SPRY3: variants seen among roughly 807,000 people sequenced by gnomAD.
The protein encoded by SPRY3 is sprouty RTK signaling antagonist 3, also known as protein sprouty homolog 3.
In SPRY3, 15 loss-of-function variants were observed where a neutral mutation model predicts 20.2. The observed-to-expected ratio is 0.74, with a 90% CI of 0.50 to 1.14. The LOEUF (loss-of-function observed/expected upper bound fraction) is 1.14. SPRY3 is among the 50% of genes most tolerant of loss of function. The pLI is 0.00. For synonymous variants in SPRY3, 143 were observed against 136.5 expected, an observed-to-expected ratio of 1.05 and a Z score of -0.33; for missense variants, 364 against 363.9, an observed-to-expected ratio of 1.00 and a Z score of 0.00.
At chrX:155,727,304 T>A (rs1268740828) in intron 2 of SPRY3, among the ~76,000 whole-genome samples, 1 of 152,108 alleles carries the variant, frequency 6.6e-6, no homozygotes, top group African/African-American at 2.4e-5. Context: ...TCTCGAGGAG[T>A]ATCTTTGTGG....
At chrX:155,757,007 A>G (rs1257987700) in intron 2 of SPRY3, among the ~76,000 whole-genome samples, 1 of 152,018 alleles carries the variant, frequency 6.6e-6, no homozygotes, top group Non-Finnish European at 1.5e-5. Flanking sequence ...TCCAACATAA[A>G]CCCCTCTTCT....
At chrX:155,767,280 C>A (rs959047651) in intron 2 of SPRY3, among the ~76,000 whole-genome samples, 2 of 151,806 alleles carry the variant, frequency 1.3e-5, no homozygotes, top group Non-Finnish European at 2.9e-5. Context: ...CCTTCTTTCC[C>A]ATCCTCCCCT....
chrX:155,774,665 A>C, exon 4 of SPRY3: 7 of 1,614,000 alleles, frequency 4.3e-6, no homozygotes, highest in Non-Finnish European at 5.9e-6. Flanking sequence ...TGCAAGAGGC[A>C]CACCAACACT....
intron 2 of SPRY3, among the ~76,000 whole-genome samples, chrX:155,706,623 G>A (rs2090953418): frequency 6.7e-6 from 1 of 149,804 alleles, no homozygotes; most frequent in Admixed American, 6.7e-5. Flanking sequence ...AAAAAATCAA[G>A]AAGACAATTA....
intron 1 of SPRY3, among the ~76,000 whole-genome samples, chrX:155,650,331 T>G (rs893666927): frequency 7.2e-5 from 8 of 111,725 alleles, no homozygotes; most frequent in African/African-American, 2.6e-4. Flanking sequence ...AACTATGATA[T>G]ATTGTTATAG....
intron 1 of SPRY3, among the ~76,000 whole-genome samples, chrX:155,635,671 T>C (rs1557350949): frequency 8.9e-6 from 1 of 111,741 alleles, no homozygotes; most frequent in Non-Finnish European, 1.9e-5. Flanking sequence ...AGATATCATC[T>C]CACACCAGAT....
At chrX:155,716,494 C>T (rs2091023416) in intron 2 of SPRY3, among the ~76,000 whole-genome samples, 1 of 151,960 alleles carries the variant, frequency 6.6e-6, no homozygotes, top group Non-Finnish European at 1.5e-5. Flanking sequence ...TGCTGTTTTC[C>T]CACACATCTC....
At chrX:155,617,416 T>G (rs2067857180) in intron 1 of SPRY3, among the ~76,000 whole-genome samples, 1 of 111,142 alleles carries the variant, frequency 9.0e-6, no homozygotes, top group South Asian at 3.8e-4. Flanking sequence ...TTAAAGATAT[T>G]GAGCAATAGT....
chrX:155,661,017 A>G (rs1557353635), intron 2 of SPRY3, among the ~76,000 whole-genome samples: 1 of 110,362 alleles, frequency 9.1e-6, no homozygotes, highest in African/African-American at 3.3e-5. Flanking sequence ...CATTTATTCC[A>G]TTTGCTTTCA....
chrX:155,688,419 T>G (rs1226223884), intron 2 of SPRY3, among the ~76,000 whole-genome samples: 2 of 111,272 alleles, frequency 1.8e-5, no homozygotes, highest in African/African-American at 6.5e-5. Context: ...AATTACTGGG[T>G]CAGATAGTGT....
intron 2 of SPRY3, among the ~76,000 whole-genome samples, chrX:155,761,962 C>T (rs1463232084): frequency 6.6e-6 from 1 of 152,072 alleles, no homozygotes; most frequent in Non-Finnish European, 1.5e-5. Context: ...TGATCTCTTT[C>T]GTGTTAACAA....
chrX:155,744,747 C>T (rs1211636938), intron 2 of SPRY3, among the ~76,000 whole-genome samples: 6 of 151,996 alleles, frequency 3.9e-5, no homozygotes, highest in Non-Finnish European at 8.8e-5. Context: ...ACAAAGTCTT[C>T]AATAGAAACC....
intron 2 of SPRY3, among the ~76,000 whole-genome samples, chrX:155,669,163 G>T (rs2068032994): frequency 9.0e-6 from 1 of 110,708 alleles, no homozygotes; most frequent in South Asian, 3.7e-4. Context: ...ACCATTCAAG[G>T]TTACCAATCA....
At chrX:155,641,256 G>A (rs190177395) in intron 1 of SPRY3, among the ~76,000 whole-genome samples, 126 of 111,939 alleles carry the variant, frequency 1.1e-3, no homozygotes, top group African/African-American at 3.7e-3. Flanking sequence ...CTTTGCATCC[G>A]TGTGATAAAT....
At chrX:155,710,171 A>G (rs1398796330) in intron 2 of SPRY3, among the ~76,000 whole-genome samples, 1 of 151,640 alleles carries the variant, frequency 6.6e-6, no homozygotes, top group Non-Finnish European at 1.5e-5. Flanking sequence ...TATAAATTTT[A>G]GAATTGCTTT....
intron 2 of SPRY3, among the ~76,000 whole-genome samples, chrX:155,727,331 T>G (rs2091105151): frequency 6.6e-6 from 1 of 152,150 alleles, no homozygotes; most frequent in African/African-American, 2.4e-5. Flanking sequence ...CTGTATTTCC[T>G]GAATTTGAAT....
chrX:155,762,055 A>G (rs745741920), intron 2 of SPRY3, among the ~76,000 whole-genome samples: 1 of 152,188 alleles, frequency 6.6e-6, no homozygotes, highest in South Asian at 2.1e-4. Flanking sequence ...AAATATTCCT[A>G]CTTGAAAATG....
chrX:155,708,589 T>A (rs2090966736), intron 2 of SPRY3, among the ~76,000 whole-genome samples: 2 of 151,420 alleles, frequency 1.3e-5, no homozygotes, highest in Admixed American at 1.3e-4. Context: ...TGCTTCAATC[T>A]TTCTTCATAT....
At chrX:155,736,379 G>A (rs981872485) in intron 2 of SPRY3, among the ~76,000 whole-genome samples, 5 of 151,784 alleles carry the variant, frequency 3.3e-5, no homozygotes, top group African/African-American at 1.2e-4. Context: ...AAGCCTACTG[G>A]TGACACATTT....
Sources: gnomAD v4.1 joint callset for allele counts (sites outside exome capture counted in the v4.1 genomes callset) on GRCh38, gnomAD v4.1.1 for gene constraint, MANE v1.5 for transcripts, NCBI Gene and HGNC (gene_info 2026-07-23, HGNC 2026-07-21) for gene names.